Variants in PRDM5 observed in about 807,000 individuals in gnomAD.
PRDM5 encodes the protein PR domain zinc finger protein 5.
A neutral mutation model predicts 81.2 loss-of-function variants in PRDM5; 56 were observed. That is an observed-to-expected ratio of 0.69 (90% CI 0.56 to 0.86). The LOEUF (loss-of-function observed/expected upper bound fraction) is 0.86, where lower values mean the gene tolerates loss of function less well. Ranked by LOEUF, PRDM5 falls within the 40% of genes least tolerant of loss-of-function variation. PRDM5 has a pLI of 0.00. For synonymous variants in PRDM5, 267 were observed against 256.4 expected (o/e 1.04, Z -0.39); for missense variants, 697 against 770.1 (o/e 0.91, Z 1.12).
intron 3 of PRDM5, 116 bp from the exon 4 acceptor site, chr4:120,821,461 T>C (rs1755262052): frequency 2.0e-6 from 2 of 1,025,532 alleles, no homozygotes; most frequent in Non-Finnish European, 2.8e-6. Context: ...ATTACTTTTT[T>C]TTATTTCTAG....
chr4:120,907,202 C>T (rs1321584228), intron 2 of PRDM5, among the ~76,000 whole-genome samples: 4 of 151,910 alleles, frequency 2.6e-5, no homozygotes, highest in African/African-American at 7.3e-5. Flanking sequence ...GACATGTTGG[C>T]ATGCGCCTGT....
At chr4:120,686,921 T>C (rs999407869), downstream of PRDM5, among the ~76,000 whole-genome samples, 1 of 152,038 alleles carries the variant, frequency 6.6e-6, no homozygotes, top group Admixed American at 6.6e-5. Context: ...TTTATCCATT[T>C]AGAGATAAAA....
In PRDM5 at chr4:120,856,644, T is replaced by C. The variant is rs1579006114; in HGVS notation, c.178-3104A>G. Among the ~76,000 whole-genome samples, 3 of 152,332 alleles carry C rather than the reference T, an allele frequency of 2.0e-5. No homozygotes were observed. The East Asian group carries it at 5.8e-4, about 29-fold the overall frequency. Reference sequence around the variant, plus strand: ...CAAAAGTAATCTAATCCATCATTCCTCTTCCCAGAGACACCAAATCAAAAC... The same window carrying C: ...CAAAAGTAATCTAATCCATCATTCCCCTTCCCAGAGACACCAAATCAAAAC... On this transcript the variant is annotated intron_variant, in intron 2 of 15. Transcript: ENST00000264808.
intron 14 of PRDM5, among the ~76,000 whole-genome samples, chr4:120,740,884 C>A (rs1018887248): frequency 3.9e-5 from 6 of 152,190 alleles, no homozygotes; most frequent in African/African-American, 1.2e-4. Context: ...TCAATCTCAG[C>A]CTGTCTCAAC....
intron 2 of PRDM5, among the ~76,000 whole-genome samples, chr4:120,861,608 GC>G (rs1480260716): frequency 6.6e-6 from 1 of 151,924 alleles, no homozygotes; most frequent in Non-Finnish European, 1.5e-5. Context: ...GACCAGCCTG[GC>G]CAACATGGTG....
intron 14 of PRDM5, among the ~76,000 whole-genome samples, chr4:120,713,714 G>A (rs2149037802): frequency 6.6e-6 from 1 of 152,258 alleles, no homozygotes; most frequent in African/African-American, 2.4e-5. Context: ...TACACTTAGA[G>A]CAGTATTTTA....
In PRDM5 at chr4:120,798,247, ATAATAT is replaced by A. The variant is rs1751608584; in HGVS notation, c.1188+14_1188+19del. 6 of 1,465,054 alleles carry A rather than the reference ATAATAT, an allele frequency of 4.1e-6. No homozygotes were observed. The African/African-American group carries it at 4.3e-5, about 10-fold the overall frequency. 90.8% of individuals were successfully genotyped at this position (1,465,054 alleles called of 1,614,324 possible). A position where few individuals can be genotyped will look rare whatever the true frequency, so the allele number is the denominator to read the frequency against. ...AGCAGCAAATTCATAAAAAATAATA[ATAATAT>A]TAATAAGTTTTACCTTCTTATGATT... On this transcript the variant is annotated intron_variant, in intron 10 of 15. Transcript: ENST00000264808.
chr4:120,746,254 C>T lies in PRDM5; in HGVS notation c.1623+8299G>A, dbSNP rs1479452311. ...TATGTAGAAAGCTGAAACTGGATCC[C>T]TTCCTTACACCTTATACAAAAATTA... On this transcript the variant is annotated intron_variant, in intron 14 of 15. Coordinates refer to ENST00000264808, the MANE Select transcript of PRDM5 (RefSeq NM_018699.4). Among the ~76,000 whole-genome samples the T allele has an allele frequency of 3.7e-5, 5 of 136,600 alleles. No individual in the cohort carries two copies. In the Admixed American group the frequency reaches 3.8e-4, roughly 10 times the overall value. 89.6% of individuals were successfully genotyped at this position (136,600 alleles called of 152,430 possible).
rs79198868 is a variant in PRDM5 at position 120,849,272 on chromosome 4, T to C, written c.300+4146A>G. 6.4e-4 allele frequency among the ~76,000 whole-genome samples: 97 copies of C among 152,326 alleles called. 2 individuals carry two copies. In the East Asian group the frequency reaches 0.019, roughly 29 times the overall value. Reference sequence around the variant, plus strand: ...AGATCCACATGTGATTTTCCAGCTCTGTCATATTTAAATTTCACGTGTCGC... The same window carrying C: ...AGATCCACATGTGATTTTCCAGCTCCGTCATATTTAAATTTCACGTGTCGC... On this transcript the variant is annotated intron_variant, in intron 3 of 15. Transcript: ENST00000264808.
At chr4:120,765,765 T>C (rs1468492600) in intron 13 of PRDM5, among the ~76,000 whole-genome samples, 2 of 152,092 alleles carry the variant, frequency 1.3e-5, no homozygotes, top group Non-Finnish European at 2.9e-5. Flanking sequence ...ATAATGACAC[T>C]GGGAATAGAG....
At chr4:120,689,957 C>T (rs1336213363), downstream of PRDM5, among the ~76,000 whole-genome samples, 1 of 151,974 alleles carries the variant, frequency 6.6e-6, no homozygotes, top group African/African-American at 2.4e-5. Context: ...ACAAAAGGAC[C>T]CATCAGTTTG....
intron 3 of PRDM5, among the ~76,000 whole-genome samples, chr4:120,849,336 T>A (rs533867814): frequency 5.3e-5 from 8 of 152,128 alleles, no homozygotes; most frequent in Non-Finnish European, 4.4e-5. Context: ...TGACTATCCA[T>A]CCTCAGGCAA....
At chr4:120,688,723 A>G (rs1487307966), downstream of PRDM5, among the ~76,000 whole-genome samples, 1 of 152,144 alleles carries the variant, frequency 6.6e-6, no homozygotes, top group African/African-American at 2.4e-5. Context: ...TATTGAAGAG[A>G]CTATCTTTTC....
At chr4:120,862,979 C>T (rs2148505446) in intron 2 of PRDM5, among the ~76,000 whole-genome samples, 1 of 151,150 alleles carries the variant, frequency 6.6e-6, no homozygotes, top group African/African-American at 2.4e-5. Flanking sequence ...TACAACATGG[C>T]AAAACCCTGT....
At chr4:120,791,612 T>TGAC (rs1279255977) in intron 10 of PRDM5, among the ~76,000 whole-genome samples, 1 of 152,166 alleles carries the variant, frequency 6.6e-6, no homozygotes, top group East Asian at 1.9e-4. Flanking sequence ...GGACACTGAG[T>TGAC]GACATCTCAT....
At chr4:120,909,384 G>GA (rs1231080015) in intron 1 of PRDM5, among the ~76,000 whole-genome samples, 3 of 152,130 alleles carry the variant, frequency 2.0e-5, no homozygotes, top group Non-Finnish European at 2.9e-5. Flanking sequence ...CTGAATTGAA[G>GA]AAACTGTGAG....
intron 1 of PRDM5, among the ~76,000 whole-genome samples, chr4:120,908,815 GC>G (rs1766151086): frequency 6.6e-6 from 1 of 152,182 alleles, no homozygotes; most frequent in Admixed American, 6.5e-5. Flanking sequence ...AGTTTAGACA[GC>G]CAATTTCAGA....
chr4:120,821,462 T>G, intron 3 of PRDM5, 117 bp from the exon 4 acceptor site: 1 of 980,328 alleles, frequency 1.0e-6, no homozygotes, highest in Non-Finnish European at 1.5e-6. Flanking sequence ...TTACTTTTTT[T>G]TATTTCTAGT....
intron 3 of PRDM5, among the ~76,000 whole-genome samples, chr4:120,843,137 G>T (rs925606728): frequency 1.3e-5 from 2 of 152,088 alleles, no homozygotes; most frequent in Admixed American, 1.3e-4. Context: ...TTTGAGACCA[G>T]CCTGGCCAAC....
Sources: allele counts gnomAD v4.1 joint callset (sites outside exome capture counted in the v4.1 genomes callset), GRCh38; gene constraint gnomAD v4.1.1; transcripts MANE v1.5; gene names NCBI Gene and HGNC (gene_info 2026-07-23, HGNC 2026-07-21).